FBXW7: variants seen among roughly 807,000 people sequenced by gnomAD.
The protein encoded by FBXW7 is F-box/WD repeat-containing protein 7.
Under a neutral mutation model 86.3 loss-of-function variants are expected in FBXW7, and 11 were observed. The observed-to-expected ratio is 0.13, with a 90% CI of 0.08 to 0.21. The LOEUF (loss-of-function observed/expected upper bound fraction) is 0.21, where lower values mean the gene tolerates loss of function less well. Among genes scored for constraint, FBXW7 ranks in the 10% least tolerant of loss-of-function variants. The probability of loss-of-function intolerance (pLI) is 1.00; values close to 1 mark genes in which losing one functional copy is unlikely to be tolerated. For synonymous variants in FBXW7, 313 were observed against 297.9 expected (o/e 1.05, Z -0.52); for missense variants, 488 against 847.4 (o/e 0.58, Z 5.27).
At chr4:152,324,683 T>C in intron 12 of FBXW7, 1 of 339,046 alleles carries the variant, frequency 2.9e-6, no homozygotes, top group Non-Finnish European at 5.5e-6. Flanking sequence ...ATGAACAATA[T>C]GTTAATTTTC....
At chr4:152,445,610 A>G (rs1329715552) in intron 2 of FBXW7, among the ~76,000 whole-genome samples, 2 of 152,102 alleles carry the variant, frequency 1.3e-5, no homozygotes, top group African/African-American at 4.8e-5. Context: ...TAATTAACAT[A>G]GAAGTGCTTA....
At chr4:152,407,022 T>C (rs1737480650) in intron 4 of FBXW7, among the ~76,000 whole-genome samples, 1 of 152,206 alleles carries the variant, frequency 6.6e-6, no homozygotes, top group Non-Finnish European at 1.5e-5. Context: ...CTACTTGTTT[T>C]ACATAAATTA....
intron 4 of FBXW7, among the ~76,000 whole-genome samples, chr4:152,351,207 TCATAA>T (rs1731780533): frequency 6.6e-6 from 1 of 152,100 alleles, no homozygotes; most frequent in African/African-American, 2.4e-5. Context: ...CATGGGAACA[TCATAA>T]CATAGCATGA....
intron 4 of FBXW7, among the ~76,000 whole-genome samples, chr4:152,385,848 T>G (rs1253165826): frequency 6.6e-6 from 1 of 152,074 alleles, no homozygotes; most frequent in Admixed American, 6.6e-5. Context: ...TTTGTCATAA[T>G]ATATTTTTGG....
intron 2 of FBXW7, among the ~76,000 whole-genome samples, chr4:152,499,524 C>A (rs1746708206): frequency 6.6e-6 from 1 of 152,140 alleles, no homozygotes; most frequent in African/African-American, 2.4e-5. Flanking sequence ...ACAAACAAGA[C>A]TCTCTCTGTT....
At chr4:152,399,577 A>C (rs1395109114) in intron 4 of FBXW7, among the ~76,000 whole-genome samples, 1 of 152,148 alleles carries the variant, frequency 6.6e-6, no homozygotes, top group Non-Finnish European at 1.5e-5. Flanking sequence ...AATCCTAAAA[A>C]ATTGACCAAA....
chr4:152,384,728 T>A (rs1420820955), intron 4 of FBXW7, among the ~76,000 whole-genome samples: 1 of 151,884 alleles, frequency 6.6e-6, no homozygotes, highest in Admixed American at 6.6e-5. Flanking sequence ...AACAAAAAAG[T>A]AAATGATTGA....
At position 152,374,262 on chromosome 4, in the gene FBXW7, T is replaced by C. The variant is rs72721607; in HGVS notation, c.502-24138A>G. Among the ~76,000 whole-genome samples the C allele has an allele frequency of 5.1e-3, 781 of 152,164 alleles. 6 individuals carry two copies. Among genetic ancestry groups the C allele is most frequent in the Non-Finnish European group, 7.6e-3 (515 of 67,940 alleles). ...ATTCTTTCTTCTCTTCAAAGTACTG[T>C]ATTTTTTTTCTCTATTTCAGCATTT... is the stretch of plus-strand genomic sequence containing the variant. On this transcript the variant is annotated intron_variant, in intron 4 of 13. Coordinates refer to ENST00000281708, the MANE Select transcript of FBXW7 (RefSeq NM_001349798.2).
intron 2 of FBXW7, among the ~76,000 whole-genome samples, chr4:152,479,484 CAT>C (rs1387258725): frequency 1.3e-5 from 2 of 152,074 alleles, no homozygotes; most frequent in African/African-American, 2.4e-5. Context: ...CGCACACACA[CAT>C]ATCTTTTTCT....
chr4:152,375,607 T>C (rs1203082042), intron 4 of FBXW7, among the ~76,000 whole-genome samples: 3 of 152,086 alleles, frequency 2.0e-5, no homozygotes, highest in Admixed American at 6.6e-5. Flanking sequence ...TAAAAACATA[T>C]ATCGTTATTT....
chr4:152,380,710 A>C (rs1734987561), intron 4 of FBXW7, among the ~76,000 whole-genome samples: 1 of 152,028 alleles, frequency 6.6e-6, no homozygotes, highest in East Asian at 1.9e-4. Flanking sequence ...TAACATAATG[A>C]GGCAATCTCC....
intron 10 of FBXW7, 151 bp downstream of exon 10, chr4:152,329,521 A>G: frequency 2.3e-6 from 1 of 429,334 alleles, no homozygotes; most frequent in Non-Finnish European, 4.1e-6. Context: ...TTTCATAAAT[A>G]TGGGGAAAAA....
chr4:152,521,704 A>T (rs1292340639), intron 2 of FBXW7, among the ~76,000 whole-genome samples: 6 of 152,072 alleles, frequency 3.9e-5, no homozygotes, highest in Non-Finnish European at 7.4e-5. Context: ...GGGATCCCAA[A>T]GGGATCCCAG....
At chr4:152,332,461 T>C in intron 8 of FBXW7, 135 bp downstream of exon 8, 4 of 838,998 alleles carry the variant, frequency 4.8e-6, no homozygotes, top group Non-Finnish European at 6.4e-6. Flanking sequence ...AAGATTCGGC[T>C]CATCTGAATG....
rs184305681 is a variant in FBXW7, at chr4:152,535,005, C to G, written c.-184G>C. ...GTTCCCTTCCTCCTTCGGACTGAAGCGGCAGCTGCGGAAGGCTCCGGCGCG... is the reference window on the plus strand; with the variant it reads ...GTTCCCTTCCTCCTTCGGACTGAAGGGGCAGCTGCGGAAGGCTCCGGCGCG... On this transcript the variant is annotated 5_prime_UTR_variant, in exon 2 of 14. Coordinates refer to ENST00000281708, the MANE Select transcript of FBXW7 (RefSeq NM_001349798.2). 6.6e-6 allele frequency: 1 copy of G among 152,238 alleles called. No homozygotes were observed. The highest frequency in any genetic ancestry group is 1.5e-5 in the Non-Finnish European group (1 of 68,090). 9.4% of individuals were successfully genotyped at this position (152,238 alleles called of 1,614,324 possible). A position where few individuals can be genotyped will look rare whatever the true frequency, so the allele number is the denominator to read the frequency against.
chr4:152,380,834 T>C (rs1734997008), intron 4 of FBXW7, among the ~76,000 whole-genome samples: 1 of 152,084 alleles, frequency 6.6e-6, no homozygotes, highest in African/African-American at 2.4e-5. Context: ...TTTAATTTTA[T>C]TTGTATTGGT....
At chr4:152,382,528 G>T in intron 4 of FBXW7, 1 of 1,162,112 alleles carries the variant, frequency 8.6e-7, no homozygotes, top group Non-Finnish European at 1.1e-6. Flanking sequence ...TTGGTGAAGT[G>T]CAAACTATCC....
chr4:152,529,247 ATTT>A (rs1330806001), intron 2 of FBXW7, among the ~76,000 whole-genome samples: 1 of 152,192 alleles, frequency 6.6e-6, no homozygotes, highest in Non-Finnish European at 1.5e-5. Context: ...AAATTAAAAG[ATTT>A]TTTAAAATAA....
intron 2 of FBXW7, among the ~76,000 whole-genome samples, chr4:152,511,254 T>C (rs1747936892): frequency 6.6e-6 from 1 of 152,030 alleles, no homozygotes; most frequent in Non-Finnish European, 1.5e-5. Flanking sequence ...TTATTTAAAA[T>C]CAGGAACACC....
Sources: gnomAD v4.1 joint callset for allele counts (sites outside exome capture counted in the v4.1 genomes callset) on GRCh38, gnomAD v4.1.1 for gene constraint, MANE v1.5 for transcripts, NCBI Gene and HGNC (gene_info 2026-07-23, HGNC 2026-07-21) for gene names.